WWOX: variants seen among roughly 807,000 people sequenced by gnomAD.
The protein encoded by WWOX is WW domain containing oxidoreductase.
WWOX carries 69 observed loss-of-function variants against 46.2 expected under a neutral mutation model. The ratio of observed to expected loss-of-function variants is 1.49; its 90% CI spans 1.23 to 1.82. The LOEUF (loss-of-function observed/expected upper bound fraction) is 1.82, where lower values mean the gene tolerates loss of function less well. Among genes scored for constraint, WWOX ranks in the 40% most tolerant of loss-of-function variants. The pLI is 0.00. For missense variants in WWOX, 919 were observed against 542.6 expected (o/e 1.69, Z -6.89); for synonymous variants, 359 against 202.6 (o/e 1.77, Z -6.56).
At chr16:79,177,078 G>A (rs200075619) in intron 8 of WWOX, among the ~76,000 whole-genome samples, 42 of 152,244 alleles carry the variant, frequency 2.8e-4, no homozygotes, top group African/African-American at 8.7e-4. Context: ...AAGTCCTTTC[G>A]AATATAAAAT....
intron 6 of WWOX, among the ~76,000 whole-genome samples, chr16:78,404,501 C>T (rs1225294331): frequency 6.6e-6 from 1 of 152,148 alleles, no homozygotes; most frequent in Non-Finnish European, 1.5e-5. Context: ...TCTGCCAGGT[C>T]TTTCCCTTCT....
intron 5 of WWOX, among the ~76,000 whole-genome samples, chr16:78,244,924 T>G (rs937867901): frequency 6.6e-6 from 1 of 152,206 alleles, no homozygotes; most frequent in African/African-American, 2.4e-5. Context: ...AAAAAAAGAT[T>G]GAAAAAGAAA....
chr16:78,626,616 C>G (rs1031860113), intron 8 of WWOX, among the ~76,000 whole-genome samples: 7 of 152,110 alleles, frequency 4.6e-5, no homozygotes, highest in Non-Finnish European at 8.8e-5. Flanking sequence ...TTAGGTTTCT[C>G]CACTGCACAC....
intron 8 of WWOX, among the ~76,000 whole-genome samples, chr16:79,106,965 C>T (rs926981715): frequency 6.6e-6 from 1 of 151,872 alleles, no homozygotes; most frequent in African/African-American, 2.4e-5. Context: ...CCCCCGCAAC[C>T]ATGTCCCACG....
intron 8 of WWOX, among the ~76,000 whole-genome samples, chr16:79,192,349 A>G (rs1274971096): frequency 6.6e-6 from 1 of 151,944 alleles, no homozygotes; most frequent in Non-Finnish European, 1.5e-5. Context: ...CCACCCATCC[A>G]TTCATTCATT....
At chr16:79,176,520 T>A (rs1204276365) in intron 8 of WWOX, among the ~76,000 whole-genome samples, 1 of 152,200 alleles carries the variant, frequency 6.6e-6, no homozygotes, top group Admixed American at 6.5e-5. Context: ...TTTCTCCCCA[T>A]TAGCATCTGC....
chr16:78,494,258 C>T (rs894439494), intron 8 of WWOX, among the ~76,000 whole-genome samples: 2 of 152,154 alleles, frequency 1.3e-5, no homozygotes, highest in African/African-American at 4.8e-5. Context: ...CCGTCTAGTT[C>T]CTGCAGAGAA....
intron 6 of WWOX, among the ~76,000 whole-genome samples, chr16:78,423,022 A>G (rs957454145): frequency 6.6e-6 from 1 of 151,680 alleles, no homozygotes; most frequent in Admixed American, 6.6e-5. Flanking sequence ...AGTAGCTGGG[A>G]TTACAGGCGT....
intron 8 of WWOX, among the ~76,000 whole-genome samples, chr16:78,965,841 C>T (rs543313489): frequency 7.2e-5 from 11 of 152,220 alleles, no homozygotes; most frequent in East Asian, 3.9e-4. Context: ...CTATTGTGGG[C>T]ACAGGAGCAG....
intron 8 of WWOX, among the ~76,000 whole-genome samples, chr16:79,086,030 G>A (rs34210462): frequency 6.6e-6 from 1 of 151,608 alleles, no homozygotes; most frequent in Non-Finnish European, 1.5e-5. Flanking sequence ...CATGACTGTG[G>A]CACTGCACTT....
In WWOX at chr16:78,196,018, T is replaced by A. The variant is rs556935909; in HGVS notation, c.516+31729T>A. Among the ~76,000 whole-genome samples, 4 of 152,276 alleles carry A rather than the reference T, an allele frequency of 2.6e-5. No individual in the cohort carries two copies. In the South Asian group the frequency reaches 8.3e-4, roughly 32 times the overall value. On this transcript the variant is annotated intron_variant, in intron 5 of 8. Transcript: ENST00000566780. ...CTCTAACATTCTGGCTTCCTTCTAT[T>A]AGAGAAGAATGCAAATCTTTGCCTT...
chr16:78,245,219 T>G (rs2037779329), intron 5 of WWOX, among the ~76,000 whole-genome samples: 1 of 152,232 alleles, frequency 6.6e-6, no homozygotes, highest in African/African-American at 2.4e-5. Context: ...TCCTGAACAG[T>G]GCTTTGAATG....
intron 5 of WWOX, among the ~76,000 whole-genome samples, chr16:78,283,133 C>T (rs1316187586): frequency 6.6e-6 from 1 of 152,118 alleles, no homozygotes; most frequent in Non-Finnish European, 1.5e-5. Flanking sequence ...CTAGCTAATT[C>T]TTACAGCTTC....
chr16:78,713,623 A>G (rs920510690), intron 8 of WWOX, among the ~76,000 whole-genome samples: 1 of 152,172 alleles, frequency 6.6e-6, no homozygotes, highest in African/African-American at 2.4e-5. Context: ...AGGAATTCAT[A>G]TGCATGGAGG....
chr16:79,154,578 G>A (rs1381060046), intron 8 of WWOX, among the ~76,000 whole-genome samples: 3 of 150,694 alleles, frequency 2.0e-5, no homozygotes, highest in Non-Finnish European at 4.4e-5. Flanking sequence ...GGGGATATTC[G>A]ATGGCAATTT....
chr16:78,509,910 A>C (rs2095767223), intron 8 of WWOX, among the ~76,000 whole-genome samples: 1 of 139,986 alleles, frequency 7.1e-6, no homozygotes, highest in Non-Finnish European at 1.5e-5. Flanking sequence ...CAACATAGTG[A>C]GACCTCATCT....
chr16:78,333,479 A>G (rs1178203363), intron 5 of WWOX, among the ~76,000 whole-genome samples: 1 of 152,144 alleles, frequency 6.6e-6, no homozygotes, highest in Admixed American at 6.5e-5. Context: ...ACTTAGTTTA[A>G]CTGGTAAAAA....
chr16:78,327,087 A>C (rs138878257), intron 5 of WWOX, among the ~76,000 whole-genome samples: 124 of 152,254 alleles, frequency 8.1e-4, no homozygotes, highest in African/African-American at 3.0e-3. Flanking sequence ...ATGCACCTCA[A>C]ATCCTGACCT....
Position 78,324,746 on chromosome 16 carries a change from G to C in WWOX, c.517-62114G>C, listed in dbSNP as rs2080571964. 2.4e-5 allele frequency among the ~76,000 whole-genome samples: 3 copies of C among 126,056 alleles called. No individual in the cohort carries two copies. In the South Asian group the frequency reaches 8.6e-4, roughly 36 times the overall value. 82.7% of individuals were successfully genotyped at this position (126,056 alleles called of 152,430 possible). Reference sequence around the variant, plus strand: ...TATGTCCAGAACAGAGAAATTTAGAGATAGAAAATAGATGAGTGATGACTC... The same window carrying C: ...TATGTCCAGAACAGAGAAATTTAGACATAGAAAATAGATGAGTGATGACTC... On this transcript the variant is annotated intron_variant, in intron 5 of 8. Coordinates refer to ENST00000566780, the MANE Select transcript of WWOX (RefSeq NM_016373.4).
Sources: allele counts gnomAD v4.1 joint callset (sites outside exome capture counted in the v4.1 genomes callset), GRCh38; gene constraint gnomAD v4.1.1; transcripts MANE v1.5; gene names NCBI Gene and HGNC (gene_info 2026-07-23, HGNC 2026-07-21).